The following ASXL1 variants were observed in gnomAD, a reference collection of about 807,000 sequenced individuals.
ASXL1 encodes the protein polycomb group protein ASXL1.
Under a neutral mutation model 89.1 loss-of-function variants are expected in ASXL1, and 65 were observed. The ratio of observed to expected loss-of-function variants is 0.73; its 90% confidence interval spans 0.60 to 0.90. ASXL1 has a LOEUF of 0.90. Among genes scored for constraint, ASXL1 ranks in the 40% least tolerant of loss-of-function variants. The pLI, the probability that ASXL1 is intolerant of heterozygous loss-of-function variation, is 0.00. For missense variants in ASXL1, 1,786 were observed against 1,942.9 expected (o/e 0.92, Z 1.52); for synonymous variants, 739 against 746.9 (o/e 0.99, Z 0.17).
chr20:32,388,369 T>G (rs1398416660), intron 4 of ASXL1, among the ~76,000 whole-genome samples: 1 of 151,914 alleles, frequency 6.6e-6, no homozygotes, highest in Admixed American at 6.6e-5. Context: ...AGAGATGGAG[T>G]TTCACCATGT....
rs2123251724 is a variant in ASXL1 at position 32,433,288 on chromosome 20, G to C, written c.1090G>C (p.Gly364Arg). The C allele has an allele frequency of 6.2e-7, 1 of 1,614,160 alleles. No individual in the cohort carries two copies. ...FFEDYYGQKL[G>R]LTKEESLQQN... ...GGCTGTGATTTTGATTTGCAGGCTG[G>C]GTTTGACCAAAGAAGAGTCATTGCA... is the stretch of plus-strand genomic sequence containing the variant. Residue 364 changes from glycine (G) to arginine (R), a missense_variant, in exon 12 of 13, where the codon GGT becomes CGT. Physicochemically the swap from Gly to Arg is moderately radical, Grantham distance 125 (BLOSUM62 -2). This residue lies in a region of ASXL1 where 1,418 missense variants were observed against 1,427.8 expected (regional missense o/e 0.99). Coordinates refer to ENST00000375687, the MANE Select transcript of ASXL1 (RefSeq NM_015338.6).
Position 32,359,293 on chromosome 20 carries a change from A to G in ASXL1, c.57+461A>G. 4.3e-6 allele frequency: 3 copies of G among 702,524 alleles called. No homozygotes were observed. The South Asian group carries it at 4.4e-5, about 10-fold the overall frequency. 43.5% of individuals were successfully genotyped at this position (702,524 alleles called of 1,614,324 possible). ...GGGGTGGAAAAGCGACCCCACATTCAAGGACGCCAATGGCATGTTGAGCTT... is the reference window on the plus strand; with the variant it reads ...GGGGTGGAAAAGCGACCCCACATTCGAGGACGCCAATGGCATGTTGAGCTT... On this transcript the variant is annotated intron_variant, in intron 1 of 12. Coordinates refer to ENST00000375687, the MANE Select transcript of ASXL1 (RefSeq NM_015338.6).
chr20:32,375,979 T>C (rs891138973), intron 4 of ASXL1, among the ~76,000 whole-genome samples: 2 of 152,010 alleles, frequency 1.3e-5, no homozygotes, highest in Non-Finnish European at 2.9e-5. Context: ...CCACCAGGCC[T>C]GGCAGTTAAG....
chr20:32,409,680 A>G (rs1330812360), intron 4 of ASXL1, among the ~76,000 whole-genome samples: 1 of 152,184 alleles, frequency 6.6e-6, no homozygotes, highest in Non-Finnish European at 1.5e-5. Flanking sequence ...TGAAGGCTGC[A>G]GTATGCCATG....
In ASXL1 at chr20:32,431,394, C is replaced by T; in HGVS notation, c.792C>T (p.Leu264=). ...TPGSILVNTN[L]RALINSRTFH... is the part of the protein sequence containing the mutation. ...GGTCCATTCTTGTCAACACCAACCT[C>T]CGTGCCCTGATCAACTCTCGGACCT... The change falls in exon 9 of 13, where the codon CTC becomes CTT. Residue 264 remains leucine, a synonymous_variant. Coordinates refer to ENST00000375687, the MANE Select transcript of ASXL1 (RefSeq NM_015338.6). 6.2e-7 allele frequency: 1 copy of T among 1,614,232 alleles called. No homozygotes were observed.
chr20:32,429,948 A>G lies in ASXL1; in HGVS notation c.613A>G (p.Ser205Gly). 5 of 1,608,828 alleles carry G rather than the reference A, an allele frequency of 3.1e-6. No individual in the cohort carries two copies. In the South Asian group the frequency reaches 4.4e-5, roughly 14 times the overall value. ...ADGESGSPSS[S>G]SSGSLALGSA... ...TGGCGAGAGCGGCAGCCCGTCCAGC[A>G]GCAGCAGCGGCTCTCTGGCCCTGGG... Residue 205 changes from serine (S) to glycine (G), a missense_variant, in exon 8 of 13, where the codon AGC (serine) becomes GGC (glycine). Transcript: ENST00000375687. The surrounding 1 kb of genome is among the most constrained non-coding windows in gnomAD (Gnocchi z 4.9).
At position 32,434,236 on chromosome 20, in the gene ASXL1, T is replaced by C. The variant is rs556280789; in HGVS notation, c.1720-196T>C. ...AAATTAAATTTAGAAGTGTGGCATATAACAGCCCTTGAGCAGAATCTTCTC... is the reference window on the plus strand; with the variant it reads ...AAATTAAATTTAGAAGTGTGGCATACAACAGCCCTTGAGCAGAATCTTCTC... On this transcript the variant is annotated intron_variant, in intron 12 of 12. Coordinates refer to ENST00000375687, the MANE Select transcript of ASXL1 (RefSeq NM_015338.6). 6.6e-6 allele frequency: 5 copies of C among 756,392 alleles called. No individual in the cohort carries two copies. The South Asian group carries it at 7.0e-5, about 11-fold the overall frequency. The allele number at this position is 756,392 out of a possible 1,614,324, so 46.9% of individuals were successfully genotyped here.
chr20:32,386,866 G>A (rs2048589094), intron 4 of ASXL1, among the ~76,000 whole-genome samples: 1 of 150,756 alleles, frequency 6.6e-6, no homozygotes, highest in South Asian at 2.1e-4. Context: ...CTTGATGTGG[G>A]TCTTTTCTCG....
chr20:32,411,928 A>T (rs899040256), intron 4 of ASXL1, among the ~76,000 whole-genome samples: 1 of 152,166 alleles, frequency 6.6e-6, no homozygotes, highest in African/African-American at 2.4e-5. Context: ...GTGGAATTGC[A>T]TGTACTCCAG....
chr20:32,362,418 CGAG>C (rs1183682211), intron 1 of ASXL1, among the ~76,000 whole-genome samples: 3 of 152,130 alleles, frequency 2.0e-5, no homozygotes, highest in Non-Finnish European at 4.4e-5. Context: ...GGGCGGATCA[CGAG>C]GTCAGGAGAT....
At chr20:32,360,081 T>C (rs1185259696) in intron 1 of ASXL1, 3 of 417,786 alleles carry the variant, frequency 7.2e-6, no homozygotes, top group East Asian at 4.5e-5. Context: ...AAAAAAAAAA[T>C]AGACTGTATT....
chr20:32,436,027 C>T lies in ASXL1; in HGVS notation c.3315C>T (p.Asn1105=), dbSNP rs145371680. 2.8e-4 allele frequency: 446 copies of T among 1,614,064 alleles called. 1 individual carries two copies. Among genetic ancestry groups the T allele is most frequent in the Non-Finnish European group, 3.7e-4 (432 of 1,180,050 alleles). The change falls in exon 13 of 13, where the codon AAC becomes AAT. Residue 1105 remains asparagine (N), a synonymous_variant. Coordinates refer to ENST00000375687, the MANE Select transcript of ASXL1 (RefSeq NM_015338.6). ...SMPGSSVEAT[N]PLVMQLLQGS... ...CTGGGTCCTCAGTGGAGGCCACTAA[C>T]CCACTTGTGATGCAGTTGCTGCAGG...
chr20:32,432,906 A>G lies in ASXL1; in HGVS notation c.1006A>G (p.Arg336Gly). ...DGEFTHEMQV[R>G]IRQEMEKEKK... ...TGAATTTACTCATGAGATGCAAGTC[A>G]GGATACGACAGGAAATGGAGAAGGA... The change falls in exon 11 of 13, where the codon AGG (arginine) becomes GGG (glycine). Residue 336 changes from arginine (R) to glycine (G), a missense_variant. Arg to Gly is a moderately radical substitution (Grantham distance 125). Coordinates refer to ENST00000375687, the MANE Select transcript of ASXL1 (RefSeq NM_015338.6). 6.2e-7 allele frequency: 1 copy of G among 1,614,032 alleles called. No homozygotes were observed.
intron 1 of ASXL1, chr20:32,359,451 C>A (rs1318796715): frequency 1.4e-6 from 1 of 696,742 alleles, no homozygotes; most frequent in East Asian, 2.7e-5. Context: ...TCCTAGGGCC[C>A]TTCGTAAGAC....
At chr20:32,430,229 TA>T (rs2011475869) in intron 8 of ASXL1, 176 bp downstream of exon 8, 2 of 886,132 alleles carry the variant, frequency 2.3e-6, no homozygotes, top group Non-Finnish European at 3.3e-6. Flanking sequence ...AGCTCTCTGC[TA>T]AACTGTGAGA....
chr20:32,377,139 T>A (rs975636933), intron 4 of ASXL1, among the ~76,000 whole-genome samples: 1 of 143,278 alleles, frequency 7.0e-6, no homozygotes, highest in Non-Finnish European at 1.5e-5. Context: ...TAATATATAT[T>A]ATATATTATA....
intron 4 of ASXL1, among the ~76,000 whole-genome samples, chr20:32,391,242 A>G (rs901407772): frequency 1.3e-5 from 2 of 152,240 alleles, no homozygotes; most frequent in Middle Eastern, 3.4e-3. Context: ...TAGATGTACC[A>G]CATTTTGCGT....
intron 4 of ASXL1, chr20:32,372,265 C>T (rs1202531329): frequency 2.4e-5 from 31 of 1,270,248 alleles, no homozygotes; most frequent in Non-Finnish European, 3.2e-5. Context: ...GTCTGTTAGT[C>T]TACAGCTTGT....
At chr20:32,369,986 TG>T (rs1183192300) in intron 4 of ASXL1, among the ~76,000 whole-genome samples, 1 of 152,130 alleles carries the variant, frequency 6.6e-6, no homozygotes, top group Non-Finnish European at 1.5e-5. Flanking sequence ...CCCAAAGTGC[TG>T]GGATTACAGG....
Sources: gnomAD v4.1 joint callset for allele counts (sites outside exome capture counted in the v4.1 genomes callset) on GRCh38, gnomAD v4.1.1 for gene constraint, gnomAD v4.1.1 regional missense constraint, Gnocchi (gnomAD v3.1) non-coding constraint, MANE v1.5 for transcripts, NCBI Gene and HGNC (gene_info 2026-07-23, HGNC 2026-07-21) for gene names.